Variants in PACRG observed in about 807,000 individuals in gnomAD.
PACRG encodes the protein parkin coregulated gene protein.
Under a neutral mutation model 29.7 loss-of-function variants are expected in PACRG, and 29 were observed. The ratio of observed to expected loss-of-function variants is 0.98; its 90% CI spans 0.73 to 1.33. PACRG has a LOEUF of 1.33. Ranked by LOEUF, PACRG falls within the 40% of genes most tolerant of loss-of-function variation. PACRG has a pLI of 0.00. For synonymous variants in PACRG, 116 were observed against 118.7 expected, an observed-to-expected ratio of 0.98 and a Z score of 0.15; for missense variants, 279 against 316.2, an observed-to-expected ratio of 0.88 and a Z score of 0.89.
chr6:162,875,606 G>A (rs1431372101), intron 2 of PACRG, among the ~76,000 whole-genome samples: 1 of 152,188 alleles, frequency 6.6e-6, no homozygotes, highest in Non-Finnish European at 1.5e-5. Context: ...GTAAGTTTTT[G>A]TTTCACATAG....
chr6:163,097,264 G>A (rs1177621646), intron 4 of PACRG, among the ~76,000 whole-genome samples: 7 of 152,224 alleles, frequency 4.6e-5, no homozygotes, highest in Non-Finnish European at 8.8e-5. Context: ...ACCAGCATCT[G>A]GCTTTACCAC....
intron 1 of PACRG, among the ~76,000 whole-genome samples, chr6:162,813,580 A>G (rs565839886): frequency 6.6e-6 from 1 of 152,200 alleles, no homozygotes; most frequent in East Asian, 1.9e-4. Flanking sequence ...CATGTTACCA[A>G]ATGTATGCTG....
In PACRG at chr6:163,246,101, A is replaced by G. The variant is rs551406334; in HGVS notation, c.614-68726A>G. 3.9e-5 allele frequency among the ~76,000 whole-genome samples: 6 copies of G among 152,274 alleles called. No homozygotes were observed. The South Asian group carries it at 6.2e-4, about 16-fold the overall frequency. ...CCAGAATGGTCTTTCTCAAAGTTCA[A>G]TGAGATTTTGTCACTCCCTTGCTTA... On this transcript the variant is annotated intron_variant, in intron 4 of 4. Coordinates refer to ENST00000366888, the MANE Select transcript of PACRG (RefSeq NM_001080379.2).
At chr6:163,080,932 A>C (rs924577137) in intron 3 of PACRG, among the ~76,000 whole-genome samples, 2 of 152,238 alleles carry the variant, frequency 1.3e-5, no homozygotes, top group Non-Finnish European at 2.9e-5. Context: ...TTAAAGAAAA[A>C]AATGTAATCC....
At chr6:163,026,717 A>C (rs534505329) in intron 2 of PACRG, among the ~76,000 whole-genome samples, 1 of 152,320 alleles carries the variant, frequency 6.6e-6, no homozygotes, top group African/African-American at 2.4e-5. Context: ...TCCTGTGCCA[A>C]GAGCATCTAG....
chr6:162,819,790 A>G (rs1449140201), intron 2 of PACRG, among the ~76,000 whole-genome samples: 1 of 152,200 alleles, frequency 6.6e-6, no homozygotes, highest in Non-Finnish European at 1.5e-5. Flanking sequence ...GGTGATTTCT[A>G]TGGCCCTTTT....
chr6:163,256,644 C>A (rs957504638), intron 4 of PACRG, among the ~76,000 whole-genome samples: 1 of 152,156 alleles, frequency 6.6e-6, no homozygotes, highest in Non-Finnish European at 1.5e-5. Context: ...AGGGACACGT[C>A]GGTGCCTTGA....
At position 163,089,174 on chromosome 6, in the gene PACRG, A is replaced by G. The variant is rs371334606; in HGVS notation, c.464-85A>G. ...GTAGAGCACAGTTTAATTAAATGCA[A>G]CCACAAGACAACTTTACCTTAACCT... On this transcript the variant is annotated intron_variant, in intron 3 of 4. Transcript: ENST00000366888. The G allele has an allele frequency of 4.0e-5, 56 of 1,415,728 alleles. No individual in the cohort carries two copies. In the African/African-American group the frequency reaches 7.7e-4, roughly 19 times the overall value. 87.7% of individuals were successfully genotyped at this position (1,415,728 alleles called of 1,614,324 possible). A position where few individuals can be genotyped will look rare whatever the true frequency, so the allele number is the denominator to read the frequency against.
chr6:162,833,064 T>A (rs1290188490), intron 2 of PACRG, among the ~76,000 whole-genome samples: 2 of 152,282 alleles, frequency 1.3e-5, no homozygotes, highest in East Asian at 3.9e-4. Flanking sequence ...CCTTTCACAG[T>A]GGATTCAGGC....
chr6:162,848,127 G>A (rs756776452), intron 2 of PACRG, among the ~76,000 whole-genome samples: 12 of 152,166 alleles, frequency 7.9e-5, no homozygotes, highest in Non-Finnish European at 1.6e-4. Flanking sequence ...CGGCCCAGGA[G>A]AGGACAGAAC....
intron 4 of PACRG, among the ~76,000 whole-genome samples, chr6:163,144,134 C>T (rs1404540881): frequency 2.0e-5 from 3 of 147,812 alleles, no homozygotes; most frequent in African/African-American, 7.5e-5. Flanking sequence ...GAGTCTGGGG[C>T]AGGAGAATAG....
chr6:163,189,688 G>A (rs1315579524), intron 4 of PACRG: 1 of 152,178 alleles, frequency 6.6e-6, no homozygotes, highest in Non-Finnish European at 1.5e-5. Context: ...TTCCATTTAG[G>A]TTTCTTCGGG....
intron 2 of PACRG, among the ~76,000 whole-genome samples, chr6:163,004,981 T>C (rs1294768256): frequency 6.6e-6 from 1 of 151,892 alleles, no homozygotes; most frequent in Non-Finnish European, 1.5e-5. Flanking sequence ...ATATGAAAAA[T>C]AAATGAGTAT....
intron 4 of PACRG, among the ~76,000 whole-genome samples, chr6:163,200,536 C>T (rs568701904): frequency 3.3e-5 from 5 of 152,220 alleles, no homozygotes; most frequent in Admixed American, 6.5e-5. Flanking sequence ...TTCCAAACAA[C>T]GCACAGCCAT....
At chr6:163,110,733 CT>C (rs2128319223) in intron 4 of PACRG, among the ~76,000 whole-genome samples, 1 of 152,350 alleles carries the variant, frequency 6.6e-6, no homozygotes, top group East Asian at 1.9e-4. Context: ...CACTTTGATG[CT>C]CAGCCCCTCA....
chr6:163,167,483 T>C (rs951757752), intron 4 of PACRG, among the ~76,000 whole-genome samples: 2 of 152,190 alleles, frequency 1.3e-5, no homozygotes, highest in African/African-American at 4.8e-5. Flanking sequence ...AATAATAAAA[T>C]GTAACATAGT....
intron 4 of PACRG, among the ~76,000 whole-genome samples, chr6:163,290,847 G>A (rs1051347749): frequency 3.3e-5 from 5 of 152,184 alleles, no homozygotes; most frequent in Non-Finnish European, 5.9e-5. Context: ...TGAGTTCAGC[G>A]TGAGGTCCGG....
At chr6:162,801,354 C>A (rs1785849310) in intron 1 of PACRG, among the ~76,000 whole-genome samples, 1 of 152,114 alleles carries the variant, frequency 6.6e-6, no homozygotes, top group African/African-American at 2.4e-5. Flanking sequence ...GGTGATCCGC[C>A]CCCCTTGGCC....
At chr6:162,746,524 A>T (rs1156938900) in intron 1 of PACRG, among the ~76,000 whole-genome samples, 2 of 152,208 alleles carry the variant, frequency 1.3e-5, no homozygotes, top group African/African-American at 4.8e-5. Flanking sequence ...GAAATGTTAT[A>T]TTTGCTGATG....
Sources: allele counts gnomAD v4.1 joint callset (sites outside exome capture counted in the v4.1 genomes callset), GRCh38; gene constraint gnomAD v4.1.1; transcripts MANE v1.5; gene names NCBI Gene and HGNC (gene_info 2026-07-23, HGNC 2026-07-21).